Variants in LHFPL3 observed in about 807,000 individuals in gnomAD.
The protein encoded by LHFPL3 is LHFPL tetraspan subfamily member 3 protein.
In LHFPL3, 5 loss-of-function variants were observed where a neutral mutation model predicts 19.3. The ratio of observed to expected loss-of-function variants is 0.26; its 90% CI spans 0.14 to 0.54. The LOEUF is 0.54. Ranked by LOEUF, LHFPL3 falls within the 20% of genes least tolerant of loss-of-function variation. The probability of loss-of-function intolerance (pLI) is 0.94; values close to 1 mark genes in which losing one functional copy is unlikely to be tolerated. For missense variants in LHFPL3, 249 were observed against 307.4 expected (o/e 0.81, Z 1.42); for synonymous variants, 133 against 126.2 (o/e 1.05, Z -0.36).
intron 2 of LHFPL3, among the ~76,000 whole-genome samples, chr7:104,821,737 ACAGT>A (rs765868264): frequency 1.3e-5 from 2 of 152,232 alleles, no homozygotes; most frequent in South Asian, 2.1e-4. Flanking sequence ...CTAAAGTAGC[ACAGT>A]CAAAGTTTCT....
At chr7:104,485,051 G>A (rs1793211905) in intron 1 of LHFPL3, among the ~76,000 whole-genome samples, 1 of 152,160 alleles carries the variant, frequency 6.6e-6, no homozygotes, top group African/African-American at 2.4e-5. Context: ...ATGAGGTCCT[G>A]ATGAAATGGT....
At chr7:104,820,222 T>A (rs911460595) in intron 2 of LHFPL3, among the ~76,000 whole-genome samples, 15 of 152,186 alleles carry the variant, frequency 9.9e-5, no homozygotes, top group South Asian at 6.2e-4. Context: ...AGTGACAAAA[T>A]TGTACAGGCA....
rs145087387 is a variant in LHFPL3, at chr7:104,832,405, G to A, written c.683-73782G>A. On this transcript the variant is annotated intron_variant, in intron 2 of 2. Transcript: ENST00000424859. Reference sequence around the variant, plus strand: ...TACGGTTTGAGTGTATACAACAGAGGAGAGAGATTTTTTTCATAACCAGTT... The same window carrying A: ...TACGGTTTGAGTGTATACAACAGAGAAGAGAGATTTTTTTCATAACCAGTT... Among the ~76,000 whole-genome samples, 879 of 151,982 alleles carry A rather than the reference G, an allele frequency of 5.8e-3. 23 individuals carry two copies. The highest frequency in any genetic ancestry group is 0.02 in the African/African-American group (844 of 41,290).
Position 104,669,513 on chromosome 7 carries a change from C to G in LHFPL3, c.446-67162C>G, listed in dbSNP as rs1030543789. On this transcript the variant is annotated intron_variant, in intron 1 of 2. Transcript: ENST00000424859. Reference sequence around the variant, plus strand: ...CAGCTTCCAAGTTCAGTTCTGCAAGCAAGTATGCTGCTCTCTCTGTTGATG... The same window carrying G: ...CAGCTTCCAAGTTCAGTTCTGCAAGGAAGTATGCTGCTCTCTCTGTTGATG... The G allele has an allele frequency of 8.7e-6, 14 of 1,611,826 alleles. No homozygotes were observed. In the African/African-American group the frequency reaches 1.7e-4, roughly 20 times the overall value.
intron 2 of LHFPL3, among the ~76,000 whole-genome samples, chr7:104,805,308 A>G (rs556609886): frequency 7.9e-5 from 12 of 152,294 alleles, no homozygotes; most frequent in African/African-American, 2.9e-4. Context: ...TTAACATAAT[A>G]TGAAGGTGCA....
chr7:104,701,283 C>A (rs1793094717), intron 1 of LHFPL3, among the ~76,000 whole-genome samples: 2 of 151,760 alleles, frequency 1.3e-5, no homozygotes, highest in African/African-American at 4.8e-5. Flanking sequence ...TATAGTTGAC[C>A]CTTGAACAAT....
intron 2 of LHFPL3, chr7:104,752,647 T>C (rs1289365724): frequency 2.3e-5 from 8 of 341,036 alleles, no homozygotes; most frequent in East Asian, 4.3e-5. Context: ...AAGAGGCATA[T>C]TTACTTTTAA....
At chr7:104,657,551 C>G (rs964951111) in intron 1 of LHFPL3, among the ~76,000 whole-genome samples, 5 of 152,186 alleles carry the variant, frequency 3.3e-5, no homozygotes, top group Non-Finnish European at 7.3e-5. Flanking sequence ...AGCAGCCCTG[C>G]AAGGTAGACA....
chr7:104,772,135 A>C (rs1794564231), intron 2 of LHFPL3, among the ~76,000 whole-genome samples: 1 of 151,952 alleles, frequency 6.6e-6, no homozygotes, highest in African/African-American at 2.4e-5. Context: ...CTCATTTTTA[A>C]TATCTCTGCT....
rs1260321998 is a variant in LHFPL3 at position 104,907,195 on chromosome 7, AAT to A, written c.*981_*982del. The A allele has an allele frequency of 6.6e-6, 1 of 152,562 alleles. No individual in the cohort carries two copies. The highest frequency in any genetic ancestry group is 6.5e-5 in the Admixed American group (1 of 15,276). The allele number at this position is 152,562 out of a possible 1,614,324, so 9.5% of individuals were successfully genotyped here. On this transcript the variant is annotated 3_prime_UTR_variant, in exon 3 of 3. Coordinates refer to ENST00000424859, the MANE Select transcript of LHFPL3 (RefSeq NM_199000.3). ...TTTCTTTGCCATACATGTTATCAGAAATCCATGTCTTCTATTTCCCTTACTGA... is the reference window on the plus strand; with the variant it reads ...TTTCTTTGCCATACATGTTATCAGAACCATGTCTTCTATTTCCCTTACTGA...
At chr7:104,709,839 C>CGA (rs1385795417) in intron 1 of LHFPL3, among the ~76,000 whole-genome samples, 7 of 118,326 alleles carry the variant, frequency 5.9e-5, no homozygotes, top group African/African-American at 8.2e-5. Flanking sequence ...ACTTCCCAGA[C>CGA]TGGGCGGCCG....
At chr7:104,882,401 C>T (rs920864213) in intron 2 of LHFPL3, among the ~76,000 whole-genome samples, 1 of 152,164 alleles carries the variant, frequency 6.6e-6, no homozygotes, top group South Asian at 2.1e-4. Context: ...GCACACACCA[C>T]CACACCCAGC....
rs1274165088 is a variant in LHFPL3 at position 104,689,248 on chromosome 7, A to C, written c.446-47427A>C. On this transcript the variant is annotated intron_variant, in intron 1 of 2. Coordinates refer to ENST00000424859, the MANE Select transcript of LHFPL3 (RefSeq NM_199000.3). The stretch of plus-strand genomic sequence containing the variant: ...TTGGATCCCAAGGTGGCAGTGTCCA[A>C]GTAGTGGCACTCAACTGTCAAAGGC... Among the ~76,000 whole-genome samples the C allele has an allele frequency of 2.0e-5, 3 of 152,176 alleles. No individual in the cohort carries two copies. In the East Asian group the frequency reaches 5.8e-4, roughly 29 times the overall value.
chr7:104,738,731 T>G (rs1452890065), intron 2 of LHFPL3: 2 of 152,192 alleles, frequency 1.3e-5, no homozygotes, highest in East Asian at 3.8e-4. Context: ...TCAACAGTTT[T>G]CAAAATTGGT....
chr7:104,841,456 T>C (rs191238728), intron 2 of LHFPL3, among the ~76,000 whole-genome samples: 76 of 151,304 alleles, frequency 5.0e-4, no homozygotes, highest in Non-Finnish European at 9.1e-4. Context: ...ACAATGATAC[T>C]GATTCAAGCC....
chr7:104,472,808 T>G (rs1324748871), intron 1 of LHFPL3, among the ~76,000 whole-genome samples: 6 of 152,230 alleles, frequency 3.9e-5, no homozygotes, highest in African/African-American at 1.4e-4. Flanking sequence ...TTACTATCCC[T>G]TAAGTCTCTT....
chr7:104,877,575 A>G (rs771645146), intron 2 of LHFPL3, among the ~76,000 whole-genome samples: 32 of 152,334 alleles, frequency 2.1e-4, no homozygotes, highest in Middle Eastern at 3.4e-3. Context: ...ATGAGATATC[A>G]CTTCCCATCC....
chr7:104,894,473 A>G (rs1792315259), intron 2 of LHFPL3, among the ~76,000 whole-genome samples: 1 of 152,176 alleles, frequency 6.6e-6, no homozygotes, highest in Non-Finnish European at 1.5e-5. Context: ...CCACATTCAT[A>G]AAACAGAAGA....
chr7:104,818,464 C>G (rs1035128722), intron 2 of LHFPL3, among the ~76,000 whole-genome samples: 2 of 151,248 alleles, frequency 1.3e-5, no homozygotes, highest in African/African-American at 2.4e-5. Flanking sequence ...TCGCTTGAAC[C>G]TGGGAGGCGG....
Sources: allele counts gnomAD v4.1 joint callset (sites outside exome capture counted in the v4.1 genomes callset), GRCh38; gene constraint gnomAD v4.1.1; transcripts MANE v1.5; gene names NCBI Gene and HGNC (gene_info 2026-07-23, HGNC 2026-07-21).